The following RIC1 variants were observed in gnomAD, a reference collection of about 807,000 sequenced individuals.
RIC1 encodes the protein guanine nucleotide exchange factor subunit RIC1.
A neutral mutation model predicts 169.0 loss-of-function variants in RIC1; 88 were observed. The observed-to-expected ratio is 0.52, with a 90% CI of 0.44 to 0.62. The LOEUF (loss-of-function observed/expected upper bound fraction) is 0.62, where lower values mean the gene tolerates loss of function less well. RIC1 is among the 20% of genes least tolerant of loss of function. The probability of loss-of-function intolerance (pLI) is 0.00; values close to 1 mark genes in which losing one functional copy is unlikely to be tolerated. For synonymous variants in RIC1, 790 were observed against 601.5 expected, an observed-to-expected ratio of 1.31 and a Z score of -4.59; for missense variants, 1,877 against 1,725.5, an observed-to-expected ratio of 1.09 and a Z score of -1.56.
In RIC1 at chr9:5,695,642, G is replaced by C. The variant is rs1056299950; in HGVS notation, c.332+5604G>C. ...TGCTGGAGTGCAGTGGCGTGATCTT[G>C]GCTCCCTGCAATCTCCGCCTTCTGG... On this transcript the variant is annotated intron_variant, in intron 3 of 25. Coordinates refer to ENST00000414202, the MANE Select transcript of RIC1 (RefSeq NM_020829.4). Among the ~76,000 whole-genome samples, 3 of 143,684 alleles carry C rather than the reference G, an allele frequency of 2.1e-5. No homozygotes were observed. In the Admixed American group the frequency reaches 2.2e-4, roughly 10 times the overall value. The allele number at this position is 143,684 out of a possible 152,430, so 94.3% of individuals were successfully genotyped here.
intron 1 of RIC1, among the ~76,000 whole-genome samples, chr9:5,646,599 A>T (rs1818527576): frequency 6.6e-6 from 1 of 152,188 alleles, no homozygotes; most frequent in Non-Finnish European, 1.5e-5. Context: ...AATAGGGTAT[A>T]CCTTATAGCC....
intron 9 of RIC1, 25 bp from the exon 10 acceptor site, chr9:5,743,664 A>G (rs1263363268): frequency 6.4e-7 from 1 of 1,572,568 alleles, no homozygotes; most frequent in African/African-American, 1.4e-5. Flanking sequence ...AGGCTGTATT[A>G]TATTTAGTTT....
chr9:5,664,048 C>A (rs1819611579), intron 2 of RIC1, among the ~76,000 whole-genome samples: 1 of 152,102 alleles, frequency 6.6e-6, no homozygotes, highest in African/African-American at 2.4e-5. Context: ...GATCTTGTTT[C>A]TCCTTTGCTT....
At chr9:5,687,535 T>C (rs977101547) in intron 2 of RIC1, among the ~76,000 whole-genome samples, 2 of 152,166 alleles carry the variant, frequency 1.3e-5, no homozygotes, top group Admixed American at 6.5e-5. Context: ...AATTTTGGGA[T>C]GATGTATTTT....
At chr9:5,684,428 T>A (rs922706955) in intron 2 of RIC1, among the ~76,000 whole-genome samples, 6 of 152,194 alleles carry the variant, frequency 3.9e-5, no homozygotes, top group African/African-American at 1.4e-4. Context: ...TCCATTGAAG[T>A]ATTTTTACTT....
intron 1 of RIC1, among the ~76,000 whole-genome samples, chr9:5,651,486 T>C (rs1271932015): frequency 6.6e-6 from 1 of 151,804 alleles, no homozygotes; most frequent in East Asian, 1.9e-4. Context: ...CAGACCAATA[T>C]AATGAATCAT....
At chr9:5,702,887 ACTAT>A (rs1822322398) in intron 3 of RIC1, among the ~76,000 whole-genome samples, 1 of 152,170 alleles carries the variant, frequency 6.6e-6, no homozygotes, top group South Asian at 2.1e-4. Flanking sequence ...ACGATAACTT[ACTAT>A]CACAAGAACA....
chr9:5,740,572 A>G (rs1825019531), intron 8 of RIC1, among the ~76,000 whole-genome samples: 1 of 151,582 alleles, frequency 6.6e-6, no homozygotes, highest in Admixed American at 6.6e-5. Context: ...AGCCAGTCCG[A>G]GTTCCAAAAC....
At chr9:5,723,263 A>C (rs1266731902) in intron 6 of RIC1, among the ~76,000 whole-genome samples, 1 of 152,180 alleles carries the variant, frequency 6.6e-6, no homozygotes, top group African/African-American at 2.4e-5. Flanking sequence ...CTGGTGTGAG[A>C]TGGTATCTCA....
Position 5,690,057 on chromosome 9 carries a change from A to T in RIC1, c.332+19A>T. The stretch of plus-strand genomic sequence containing the variant: ...ATCCCAAGTAAGTTTGTTGCCTTTC[A>T]TTCTTTTAATATGTGATTTGCATAC... On this transcript the variant is annotated intron_variant, in intron 3 of 25. Coordinates refer to ENST00000414202, the MANE Select transcript of RIC1 (RefSeq NM_020829.4). 1.3e-6 allele frequency: 2 copies of T among 1,489,140 alleles called. No homozygotes were observed. The highest frequency in any genetic ancestry group is 1.8e-6 in the Non-Finnish European group (2 of 1,088,352). The allele number at this position is 1,489,140 out of a possible 1,614,324, so 92.2% of individuals were successfully genotyped here.
In RIC1 at chr9:5,769,266, A is replaced by C. The variant is rs372739041; in HGVS notation, c.3424+10A>C. Reference sequence around the variant, plus strand: ...GGAAAATACCGAACTGGTAATGTAGACTTCATGTCACTTGTACAAGGAGAA... The same window carrying C: ...GGAAAATACCGAACTGGTAATGTAGCCTTCATGTCACTTGTACAAGGAGAA... On this transcript the variant is annotated intron_variant, in intron 22 of 25. Coordinates refer to ENST00000414202, the MANE Select transcript of RIC1 (RefSeq NM_020829.4). 3.1e-6 allele frequency: 5 copies of C among 1,613,954 alleles called. No individual in the cohort carries two copies. The highest frequency in any genetic ancestry group is 1.6e-4 in the Middle Eastern group (1 of 6,062).
Position 5,629,125 on chromosome 9 carries a change from T to G in RIC1, c.-185T>G. 1.5e-5 allele frequency: 6 copies of G among 399,152 alleles called. No individual in the cohort carries two copies. Among genetic ancestry groups the G allele is most frequent in the South Asian group, 9.7e-5 (1 of 10,358 alleles). 24.7% of individuals were successfully genotyped at this position (399,152 alleles called of 1,614,324 possible). A position where few individuals can be genotyped will look rare whatever the true frequency, so the allele number is the denominator to read the frequency against. On this transcript the variant is annotated 5_prime_UTR_variant, in exon 1 of 26. Coordinates refer to ENST00000414202, the MANE Select transcript of RIC1 (RefSeq NM_020829.4). ...CTCCCCCACACTCGGCCCCGTCAGCTTGGGGGTGCCTTCGTCGCGCAGCCT... is the reference window on the plus strand; with the variant it reads ...CTCCCCCACACTCGGCCCCGTCAGCGTGGGGGTGCCTTCGTCGCGCAGCCT...
chr9:5,734,797 A>C lies in RIC1; in HGVS notation c.812+2318A>C, dbSNP rs144796964. 2.0e-3 allele frequency among the ~76,000 whole-genome samples: 309 copies of C among 152,272 alleles called. 2 individuals are homozygous for C. The highest frequency in any genetic ancestry group is 6.9e-3 in the African/African-American group (288 of 41,548). ...TACCAGTAGTTGTAATCATTTTTTAAATTGGTTTATAAATAACGTTCCATT... is the reference window on the plus strand; with the variant it reads ...TACCAGTAGTTGTAATCATTTTTTACATTGGTTTATAAATAACGTTCCATT... On this transcript the variant is annotated intron_variant, in intron 7 of 25. Transcript: ENST00000414202.
intron 2 of RIC1, among the ~76,000 whole-genome samples, chr9:5,668,754 T>C (rs1819928110): frequency 6.6e-6 from 1 of 152,194 alleles, no homozygotes; most frequent in Non-Finnish European, 1.5e-5. Flanking sequence ...TTCCCTTTTA[T>C]CGATATTCTC....
intron 1 of RIC1, among the ~76,000 whole-genome samples, chr9:5,651,679 T>G (rs1372041182): frequency 6.7e-6 from 1 of 149,050 alleles, no homozygotes; most frequent in African/African-American, 2.4e-5. Context: ...TTCTCCTGCC[T>G]CAGCCTCCCG....
At chr9:5,699,122 T>C (rs1450643146) in intron 3 of RIC1, among the ~76,000 whole-genome samples, 1 of 152,200 alleles carries the variant, frequency 6.6e-6, no homozygotes, top group Admixed American at 6.5e-5. Flanking sequence ...AGCGAGAAAC[T>C]CCTTACATCA....
intron 2 of RIC1, among the ~76,000 whole-genome samples, chr9:5,689,258 A>G (rs901809032): frequency 1.4e-4 from 22 of 152,014 alleles, no homozygotes; most frequent in Admixed American, 5.2e-4. Flanking sequence ...TCACCACGTT[A>G]GCCAGAATGG....
intron 6 of RIC1, among the ~76,000 whole-genome samples, chr9:5,726,619 A>T (rs1365918640): frequency 1.3e-5 from 2 of 152,086 alleles, no homozygotes; most frequent in Admixed American, 6.6e-5. Flanking sequence ...GTTATTTTGC[A>T]CATTAGTTGA....
At chr9:5,777,306 G>T (rs1405073465), downstream of RIC1, among the ~76,000 whole-genome samples, 2 of 143,180 alleles carry the variant, frequency 1.4e-5, no homozygotes, top group Non-Finnish European at 3.1e-5. Flanking sequence ...CAATATTCAA[G>T]TTTTTTTTTT....
Sources: gnomAD v4.1 joint callset for allele counts (sites outside exome capture counted in the v4.1 genomes callset) on GRCh38, gnomAD v4.1.1 for gene constraint, MANE v1.5 for transcripts, NCBI Gene and HGNC (gene_info 2026-07-23, HGNC 2026-07-21) for gene names.